Variants in DIAPH3 observed in about 807,000 individuals in gnomAD.
DIAPH3 encodes the protein protein diaphanous homolog 3.
DIAPH3 carries 117 observed loss-of-function variants against 144.3 expected under a neutral mutation model. The ratio of observed to expected loss-of-function variants is 0.81; its 90% confidence interval spans 0.70 to 0.95. The LOEUF is 0.95. Among genes scored for constraint, DIAPH3 ranks in the 40% least tolerant of loss-of-function variants. The probability of loss-of-function intolerance (pLI) is 0.00; values close to 1 mark genes in which losing one functional copy is unlikely to be tolerated. For synonymous variants in DIAPH3, 519 were observed against 488.9 expected (o/e 1.06, Z -0.81); for missense variants, 1,421 against 1,412.7 (o/e 1.01, Z -0.09).
chr13:60,079,584 G>T (rs924169306), intron 4 of DIAPH3, among the ~76,000 whole-genome samples: 1 of 151,578 alleles, frequency 6.6e-6, no homozygotes, highest in Non-Finnish European at 1.5e-5. Flanking sequence ...ATTGCTTTAC[G>T]AGTATAAATT....
intron 24 of DIAPH3, among the ~76,000 whole-genome samples, chr13:59,828,184 T>A (rs2041561455): frequency 6.6e-6 from 1 of 151,986 alleles, no homozygotes; most frequent in South Asian, 2.1e-4. Context: ...CACTCAAGTC[T>A]TACAGTAAGT....
intron 17 of DIAPH3, among the ~76,000 whole-genome samples, chr13:59,928,465 G>T (rs1387344278): frequency 2.0e-5 from 3 of 151,788 alleles, no homozygotes; most frequent in African/African-American, 4.8e-5. Context: ...AGATTTTTTT[G>T]TGTGTCCCTA....
chr13:59,790,714 G>C (rs1001006086), intron 25 of DIAPH3, among the ~76,000 whole-genome samples: 1 of 152,084 alleles, frequency 6.6e-6, no homozygotes, highest in African/African-American at 2.4e-5. Context: ...GAAAATTGGT[G>C]AAGAAAAAGA....
rs1475558873 is a variant in DIAPH3, at chr13:59,893,838, C to A, written c.2368-14370G>T. On this transcript the variant is annotated intron_variant, in intron 20 of 27. Coordinates refer to ENST00000400324, the MANE Select transcript of DIAPH3 (RefSeq NM_001042517.2). ...CTTAAGTTTAATCTATGCGATTTTACAATTCTTGTTTTTTGCTGATGCCAG... is the reference window on the plus strand; with the variant it reads ...CTTAAGTTTAATCTATGCGATTTTAAAATTCTTGTTTTTTGCTGATGCCAG... 2.0e-5 allele frequency among the ~76,000 whole-genome samples: 3 copies of A among 152,046 alleles called. No individual in the cohort carries two copies. The East Asian group carries it at 5.8e-4, about 29-fold the overall frequency.
chr13:60,026,606 G>GAA (rs200293156), intron 5 of DIAPH3, among the ~76,000 whole-genome samples: 1 of 147,984 alleles, frequency 6.8e-6, no homozygotes, highest in South Asian at 2.1e-4. Flanking sequence ...GCTTTAGATT[G>GAA]AAAAAAAAAA....
chr13:59,802,722 C>CGGACTGCGG (rs1454774375), intron 25 of DIAPH3, among the ~76,000 whole-genome samples: 4 of 107,904 alleles, frequency 3.7e-5, no homozygotes, highest in African/African-American at 1.4e-4. Context: ...TCGCCCAGGC[C>CGGACTGCGG]GGACTGCGGA....
intron 9 of DIAPH3, among the ~76,000 whole-genome samples, chr13:60,007,969 T>C (rs1299293177): frequency 6.6e-6 from 1 of 152,190 alleles, no homozygotes; most frequent in Non-Finnish European, 1.5e-5. Flanking sequence ...AGAACTATGA[T>C]AATATCTCAT....
intron 1 of DIAPH3, among the ~76,000 whole-genome samples, chr13:60,135,918 T>G (rs2059260313): frequency 6.6e-6 from 1 of 152,214 alleles, no homozygotes; most frequent in African/African-American, 2.4e-5. Context: ...AAATACTTAG[T>G]GAAAAAATGT....
At chr13:59,825,319 A>G in intron 24 of DIAPH3, among the ~76,000 whole-genome samples, 1 of 152,092 alleles carries the variant, frequency 6.6e-6, no homozygotes, top group Non-Finnish European at 1.5e-5. Flanking sequence ...TAGTTTACTG[A>G]GAATATGATT....
chr13:59,745,140 C>G (rs1376833243), intron 27 of DIAPH3, among the ~76,000 whole-genome samples: 1 of 152,132 alleles, frequency 6.6e-6, no homozygotes, highest in African/African-American at 2.4e-5. Context: ...GCTTTTTCCT[C>G]TAGCTTTAAC....
At chr13:60,090,078 C>T (rs968674117) in intron 4 of DIAPH3, among the ~76,000 whole-genome samples, 2 of 152,146 alleles carry the variant, frequency 1.3e-5, no homozygotes, top group Non-Finnish European at 2.9e-5. Flanking sequence ...CAATCACATC[C>T]AATGGCGGAA....
intron 27 of DIAPH3, among the ~76,000 whole-genome samples, chr13:59,753,862 C>T (rs2037133994): frequency 6.6e-6 from 1 of 152,052 alleles, no homozygotes; most frequent in African/African-American, 2.4e-5. Context: ...TTTATGGGCT[C>T]AAAGAGATCA....
chr13:59,859,371 A>T (rs2043441753), intron 22 of DIAPH3, among the ~76,000 whole-genome samples: 2 of 152,204 alleles, frequency 1.3e-5, no homozygotes, highest in Admixed American at 6.5e-5. Flanking sequence ...AATACCCAGA[A>T]GAACCAAACC....
At chr13:59,998,711 G>C (rs1411262872) in intron 9 of DIAPH3, among the ~76,000 whole-genome samples, 2 of 151,942 alleles carry the variant, frequency 1.3e-5, no homozygotes, top group African/African-American at 4.8e-5. Context: ...CTAGCATACT[G>C]GCTTATTATT....
intron 22 of DIAPH3, among the ~76,000 whole-genome samples, chr13:59,845,015 C>T (rs914806707): frequency 1.3e-5 from 2 of 148,358 alleles, no homozygotes; most frequent in Admixed American, 1.4e-4. Flanking sequence ...TTTTCTTTCT[C>T]TTTTTTTTTG....
At chr13:59,803,835 G>C (rs561713132) in intron 25 of DIAPH3, among the ~76,000 whole-genome samples, 12 of 152,298 alleles carry the variant, frequency 7.9e-5, no homozygotes, top group African/African-American at 2.9e-4. Flanking sequence ...CTGACAGAGA[G>C]ACTCTTGGAA....
chr13:59,851,219 A>G lies in DIAPH3; in HGVS notation c.2737+10188T>C, dbSNP rs2042949290. On this transcript the variant is annotated intron_variant, in intron 22 of 27. Coordinates refer to ENST00000400324, the MANE Select transcript of DIAPH3 (RefSeq NM_001042517.2). The stretch of plus-strand genomic sequence containing the variant: ...TTTACAATGGACAGTAATGCCCTAC[A>G]GGATCTATTACCTTTCTGACCTTAT... Among the ~76,000 whole-genome samples, 3 of 152,212 alleles carry G rather than the reference A, an allele frequency of 2.0e-5. No homozygotes were observed. In the South Asian group the frequency reaches 6.2e-4, roughly 32 times the overall value.
At chr13:60,154,355 T>G (rs1951928593) in intron 1 of DIAPH3, among the ~76,000 whole-genome samples, 1 of 152,070 alleles carries the variant, frequency 6.6e-6, no homozygotes, top group African/African-American at 2.4e-5. Context: ...CAGAGAACGG[T>G]TAAGTAATTG....
chr13:59,969,942 A>T lies in DIAPH3; in HGVS notation c.2074+2T>A. 6.4e-7 allele frequency: 1 copy of T among 1,569,250 alleles called. No homozygotes were observed. Among genetic ancestry groups the T allele is most frequent in the Non-Finnish European group, 8.7e-7 (1 of 1,143,602 alleles). ...AATAAATAATCAAGATGTTAAACTT[A>T]CCTTTTTGTTGGCAACAAAATGTAT... On this transcript the variant is annotated splice_donor_variant, in intron 17 of 27. Coordinates refer to ENST00000400324, the MANE Select transcript of DIAPH3 (RefSeq NM_001042517.2). LOFTEE classifies it high-confidence loss of function.
Sources: gnomAD v4.1 joint callset for allele counts (sites outside exome capture counted in the v4.1 genomes callset) on GRCh38, gnomAD v4.1.1 for gene constraint, MANE v1.5 for transcripts, NCBI Gene and HGNC (gene_info 2026-07-23, HGNC 2026-07-21) for gene names.